ABI2: variants seen among roughly 807,000 people sequenced by gnomAD.
ABI2 encodes the protein abl interactor 2, also known as abelson interactor 2.
In ABI2, 25 loss-of-function variants were observed where a neutral mutation model predicts 59.2. That is an observed-to-expected ratio of 0.42 (90% CI 0.31 to 0.59). The LOEUF is 0.59. Among genes scored for constraint, ABI2 ranks in the 20% least tolerant of loss-of-function variants. The pLI is 0.14. For missense variants in ABI2, 545 were observed against 681.8 expected, an observed-to-expected ratio of 0.80 and a Z score of 2.23; for synonymous variants, 213 against 235.5, an observed-to-expected ratio of 0.90 and a Z score of 0.87.
chr2:203,375,602 C>T (rs1283733583), intron 2 of ABI2, among the ~76,000 whole-genome samples: 1 of 152,074 alleles, frequency 6.6e-6, no homozygotes, highest in Non-Finnish European at 1.5e-5. Flanking sequence ...AATATAGTAG[C>T]CATATTTTAT....
chr2:203,386,015 G>A (rs1322818622), intron 4 of ABI2, among the ~76,000 whole-genome samples: 1 of 151,860 alleles, frequency 6.6e-6, no homozygotes, highest in Non-Finnish European at 1.5e-5. Flanking sequence ...CTAATTCCTG[G>A]TTTCAGCTTT....
intron 1 of ABI2, among the ~76,000 whole-genome samples, chr2:203,345,261 C>G (rs887881642): frequency 1.3e-5 from 2 of 152,160 alleles, no homozygotes; most frequent in African/African-American, 2.4e-5. Context: ...AGAGCTGTAA[C>G]GCTCACTGCG....
In ABI2 at chr2:203,394,802, C is replaced by G. The variant is rs1316551543; in HGVS notation, c.681C>G (p.Ser227Arg). The G allele has an allele frequency of 6.2e-7, 1 of 1,614,006 alleles. No individual in the cohort carries two copies. The highest frequency in any genetic ancestry group is 8.5e-7 in the Non-Finnish European group (1 of 1,180,018). ...GTAATATGGCTCCCTCGCAGCAGAG[C>G]CCTGTGAGGACAGCTTCTGTGAATC... ...PTRNMAPSQQSPVRTASVNQR... is the reference protein window; with the variant it reads ...PTRNMAPSQQRPVRTASVNQR... Residue 227 changes from serine to arginine, a missense_variant, in exon 6 of 12, where the codon AGC becomes AGG. Physicochemically the swap from Ser to Arg is moderately radical, Grantham distance 110 (BLOSUM62 -1). This residue lies in a region of ABI2 where 410 missense variants were observed against 435.6 expected (regional missense o/e 0.94). Coordinates refer to ENST00000261018, the MANE Select transcript of ABI2 (RefSeq NM_001375670.1).
chr2:203,426,582 GA>G (rs2098430270), intron 11 of ABI2, among the ~76,000 whole-genome samples: 1 of 152,030 alleles, frequency 6.6e-6, no homozygotes, highest in South Asian at 2.1e-4. Context: ...CATATGTTTT[GA>G]AAAAATATAT....
At chr2:203,355,264 T>C in intron 1 of ABI2, 1 of 318,928 alleles carries the variant, frequency 3.1e-6, no homozygotes, top group Non-Finnish European at 7.0e-6. Context: ...CCTAGCACTT[T>C]GGGAGGTCAT....
intron 1 of ABI2, among the ~76,000 whole-genome samples, chr2:203,350,991 C>A (rs769380271): frequency 1.3e-5 from 2 of 152,054 alleles, no homozygotes; most frequent in East Asian, 1.9e-4. Flanking sequence ...TTAGCTCTTA[C>A]ATTTAGATCT....
chr2:203,351,659 T>G, intron 1 of ABI2: 1 of 399,072 alleles, frequency 2.5e-6, no homozygotes, highest in African/African-American at 2.2e-5. Flanking sequence ...CCTCAGTCTC[T>G]CAGTAGTCTG....
intron 11 of ABI2, among the ~76,000 whole-genome samples, chr2:203,419,857 G>T (rs532387415): frequency 6.6e-6 from 1 of 152,138 alleles, no homozygotes; most frequent in African/African-American, 2.4e-5. Context: ...GCATGGTGAT[G>T]CATGCCTGTA....
intron 5 of ABI2, among the ~76,000 whole-genome samples, chr2:203,392,314 C>CCAACAA (rs150870167): frequency 8.1e-6 from 1 of 123,326 alleles, no homozygotes; most frequent in East Asian, 2.2e-4. Context: ...ACCACCACCA[C>CCAACAA]CAACAACAAC....
At chr2:203,346,442 C>T (rs907589420) in intron 1 of ABI2, among the ~76,000 whole-genome samples, 3 of 152,236 alleles carry the variant, frequency 2.0e-5, no homozygotes, top group Non-Finnish European at 4.4e-5. Flanking sequence ...TACCATATTA[C>T]TGCCTGAATG....
chr2:203,394,779 A>T lies in ABI2; in HGVS notation c.658A>T (p.Asn220Tyr), dbSNP rs767424735. 1.2e-6 allele frequency: 2 copies of T among 1,614,016 alleles called. No individual in the cohort carries two copies. The highest frequency in any genetic ancestry group is 1.1e-5 in the South Asian group (1 of 91,084). Residue 220 changes from asparagine to tyrosine, a missense_variant, in exon 6 of 12, where the codon AAT becomes TAT. By Grantham distance (143) the Asn-to-Tyr change is moderately radical. Transcript: ENST00000261018. ...TGATTACGTACCTAGCCCAACCCGT[A>T]ATATGGCTCCCTCGCAGCAGAGCCC... ...PNDYVPSPTR[N>Y]MAPSQQSPVR...
At chr2:203,396,651 T>A in intron 7 of ABI2, 134 bp from the exon 8 acceptor site, 1 of 938,998 alleles carries the variant, frequency 1.1e-6, no homozygotes, top group Non-Finnish European at 1.4e-6. Flanking sequence ...TAAGTTTTAT[T>A]CTTTTTTTCA....
chr2:203,379,260 T>C (rs916742538), intron 2 of ABI2, among the ~76,000 whole-genome samples: 1 of 152,186 alleles, frequency 6.6e-6, no homozygotes, highest in Admixed American at 6.5e-5. Flanking sequence ...GGCTTTTTTG[T>C]TTTTTGACAC....
intron 9 of ABI2, among the ~76,000 whole-genome samples, chr2:203,404,557 TTTTTG>T (rs1225014415): frequency 6.6e-6 from 1 of 152,100 alleles, no homozygotes. Flanking sequence ...GCCTGGCTAA[TTTTTG>T]TTTTGTTTTG....
chr2:203,403,691 T>C (rs895007952), intron 9 of ABI2, among the ~76,000 whole-genome samples: 1 of 151,660 alleles, frequency 6.6e-6, no homozygotes, highest in Non-Finnish European at 1.5e-5. Flanking sequence ...ATGGTCAGGT[T>C]AGGATTTGAA....
intron 1 of ABI2, among the ~76,000 whole-genome samples, chr2:203,342,731 C>G (rs1364956441): frequency 6.6e-6 from 1 of 151,988 alleles, no homozygotes; most frequent in African/African-American, 2.4e-5. Context: ...ATTACAGGTG[C>G]TCGCCACCAT....
At chr2:203,421,678 A>G (rs1314036732) in intron 11 of ABI2, among the ~76,000 whole-genome samples, 3 of 152,174 alleles carry the variant, frequency 2.0e-5, no homozygotes, top group Non-Finnish European at 4.4e-5. Context: ...TAGAAAATCT[A>G]GAAAGAGGCC....
intron 2 of ABI2, among the ~76,000 whole-genome samples, chr2:203,369,664 C>T (rs1490009709): frequency 1.3e-5 from 2 of 152,158 alleles, no homozygotes; most frequent in African/African-American, 4.8e-5. Flanking sequence ...CTGGAAATTA[C>T]AGAGGCCTCA....
In ABI2 at chr2:203,429,866, C is replaced by T. The variant is rs2098468820; in HGVS notation, c.*2514C>T. 1 of 152,200 alleles carries T rather than the reference C, an allele frequency of 6.6e-6. No individual in the cohort carries two copies. Among genetic ancestry groups the T allele is most frequent in the Non-Finnish European group, 1.5e-5 (1 of 68,136 alleles). 9.4% of individuals were successfully genotyped at this position (152,200 alleles called of 1,614,324 possible). ...AGGAATGCAGCTGGTCTTTTGGACC[C>T]CTACGGGATGGGGGCAGTGCAGAAG... On this transcript the variant is annotated 3_prime_UTR_variant, in exon 12 of 12. Transcript: ENST00000261018.
Sources: gnomAD v4.1 joint callset for allele counts (sites outside exome capture counted in the v4.1 genomes callset) on GRCh38, gnomAD v4.1.1 for gene constraint, gnomAD v4.1.1 regional missense constraint, MANE v1.5 for transcripts, NCBI Gene and HGNC (gene_info 2026-07-23, HGNC 2026-07-21) for gene names.